CPLX2: variants seen among roughly 807,000 people sequenced by gnomAD.
The protein encoded by CPLX2 is complexin-2.
In CPLX2, 5 loss-of-function variants were observed where a neutral mutation model predicts 16.3. The ratio of observed to expected loss-of-function variants is 0.31; its 90% confidence interval spans 0.16 to 0.64. CPLX2 has a LOEUF of 0.64. Among genes scored for constraint, CPLX2 ranks in the 30% least tolerant of loss-of-function variants. The probability of loss-of-function intolerance (pLI) is 0.79; values close to 1 mark genes in which losing one functional copy is unlikely to be tolerated. For synonymous variants in CPLX2, 89 were observed against 73.2 expected (o/e 1.22, Z -1.10); for missense variants, 144 against 181.4 (o/e 0.79, Z 1.18).
At chr5:175,816,315 G>A (rs1466688412) in intron 2 of CPLX2, among the ~76,000 whole-genome samples, 2 of 152,134 alleles carry the variant, frequency 1.3e-5, no homozygotes, top group African/African-American at 2.4e-5. Context: ...TTACAGGCCC[G>A]CATCACCATG....
At chr5:175,860,437 A>G (rs13362566) in intron 2 of CPLX2, among the ~76,000 whole-genome samples, 3,205 of 130,320 alleles carry the variant, frequency 0.025, 133 homozygotes, top group African/African-American at 0.096. Context: ...AGGAAGGAAG[A>G]AAGAGAAAGA....
At position 175,879,994 on chromosome 5, in the gene CPLX2, C is replaced by T; in HGVS notation, c.354C>T (p.Asp118=). Reference sequence around the variant, plus strand: ...AGGAGGAAGAGGAGAGCATCCTGGACACGGTGCTCAAATACCTGCCCGGGC... The same window carrying T: ...AGGAGGAAGAGGAGAGCATCCTGGATACGGTGCTCAAATACCTGCCCGGGC... ...EEEEEEESIL[D]TVLKYLPGPL... Residue 118 remains aspartate, a synonymous_variant, in exon 4 of 4, where the codon GAC becomes GAT. Transcript: ENST00000393745. 2 of 1,613,986 alleles carry T rather than the reference C, an allele frequency of 1.2e-6. No individual in the cohort carries two copies. The highest frequency in any genetic ancestry group is 1.1e-5 in the South Asian group (1 of 90,986).
intron 3 of CPLX2, 25 bp downstream of exon 3, chr5:175,879,108 C>T: frequency 6.5e-7 from 1 of 1,547,938 alleles, no homozygotes; most frequent in Non-Finnish European, 8.7e-7. Flanking sequence ...CCCGCCCGTC[C>T]TGGGGAGGGC....
chr5:175,796,964 G>T (rs975449242), intron 1 of CPLX2, among the ~76,000 whole-genome samples: 4 of 152,202 alleles, frequency 2.6e-5, no homozygotes, highest in African/African-American at 9.6e-5. Flanking sequence ...GAGGCAGAGG[G>T]CGCCTCGGGC....
intron 2 of CPLX2, among the ~76,000 whole-genome samples, chr5:175,860,558 AAG>A (rs1430841459): frequency 1.5e-5 from 2 of 130,554 alleles, no homozygotes; most frequent in African/African-American, 5.9e-5. Context: ...GAAAGAAAGA[AAG>A]AAAAAGAAGG....
chr5:175,799,302 A>G (rs1288817569), intron 1 of CPLX2, among the ~76,000 whole-genome samples: 1 of 151,972 alleles, frequency 6.6e-6, no homozygotes, highest in Non-Finnish European at 1.5e-5. Context: ...CAATAGCCAC[A>G]TTTTACAAAT....
chr5:175,833,155 T>TAAAAAAAAAAAA (rs1758761925), intron 2 of CPLX2, among the ~76,000 whole-genome samples: 1 of 115,094 alleles, frequency 8.7e-6, no homozygotes, highest in Non-Finnish European at 1.7e-5. Context: ...AAACTCCATC[T>TAAAAAAAAAAAA]CAAAAAAAAA....
chr5:175,880,296 GC>G lies in CPLX2; in HGVS notation c.*255del. On this transcript the variant is annotated 3_prime_UTR_variant, in exon 4 of 4. Coordinates refer to ENST00000393745, the MANE Select transcript of CPLX2 (RefSeq NM_001008220.2). ...TCTTTCCCCAGCAGGGGTCAGGGGG[GC>G]CCCTCAGGAAGCCTAAGGTCGTGCT... 1.8e-6 allele frequency: 1 copy of G among 561,946 alleles called. No homozygotes were observed. The highest frequency in any genetic ancestry group is 1.9e-5 in the South Asian group (1 of 53,392). 34.8% of individuals were successfully genotyped at this position (561,946 alleles called of 1,614,324 possible). A position where few individuals can be genotyped will look rare whatever the true frequency, so the allele number is the denominator to read the frequency against.
chr5:175,808,112 G>A (rs375569922), intron 1 of CPLX2, among the ~76,000 whole-genome samples: 14 of 152,178 alleles, frequency 9.2e-5, no homozygotes, highest in African/African-American at 2.2e-4. Flanking sequence ...TTGGTGCCCC[G>A]CCCAGTGGGG....
intron 2 of CPLX2, among the ~76,000 whole-genome samples, chr5:175,826,109 G>A (rs940402364): frequency 2.0e-5 from 3 of 152,022 alleles, no homozygotes; most frequent in Non-Finnish European, 4.4e-5. Context: ...GCGGCACCAC[G>A]AGGTTAGAGG....
intron 2 of CPLX2, among the ~76,000 whole-genome samples, chr5:175,825,248 G>T (rs970109392): frequency 6.6e-6 from 1 of 152,044 alleles, no homozygotes; most frequent in African/African-American, 2.4e-5. Flanking sequence ...ACAAAAATTA[G>T]CTGGGGATGG....
rs1560033 is a variant in CPLX2 at position 175,859,268 on chromosome 5, C to G, written c.-88-19384C>G. ...AGGCCTTGAAATTATGCAGTCCAAA[C>G]ACACTCTGAAAGTCACCTTGGGAAG... On this transcript the variant is annotated intron_variant, in intron 2 of 4. Transcript: ENST00000359546. Among the ~76,000 whole-genome samples, 49 of 152,236 alleles carry G rather than the reference C, an allele frequency of 3.2e-4. 1 individual carries two copies. The highest frequency in any genetic ancestry group is 2.6e-3 in the Admixed American group (40 of 15,292).
intron 2 of CPLX2, among the ~76,000 whole-genome samples, chr5:175,821,345 C>T (rs538678668): frequency 9.2e-5 from 14 of 152,244 alleles, no homozygotes; most frequent in South Asian, 6.2e-4. Flanking sequence ...TGCCCCATCT[C>T]GCTTTTCCCC....
In CPLX2 at chr5:175,881,006, T is replaced by A. The variant is rs1755579668; in HGVS notation, c.*961T>A. The A allele has an allele frequency of 6.5e-6, 1 of 152,774 alleles. No homozygotes were observed. Among genetic ancestry groups the A allele is most frequent in the Non-Finnish European group, 1.5e-5 (1 of 68,088 alleles). The allele number at this position is 152,774 out of a possible 1,614,324, so 9.5% of individuals were successfully genotyped here. A position where few individuals can be genotyped will look rare whatever the true frequency, so the allele number is the denominator to read the frequency against. On this transcript the variant is annotated 3_prime_UTR_variant, in exon 4 of 4. Transcript: ENST00000393745. ...CTTCCTGGCCAAAGCCCCAAGCCTT[T>A]GGTGAGAAGCCAATTCCCACTTGAC...
chr5:175,853,383 C>T (rs998788249), intron 2 of CPLX2, among the ~76,000 whole-genome samples: 5 of 152,174 alleles, frequency 3.3e-5, no homozygotes, highest in Non-Finnish European at 5.9e-5. Context: ...CTGGCCCCAG[C>T]GCCCCTCCTC....
At chr5:175,800,685 C>T (rs1758076072) in intron 1 of CPLX2, among the ~76,000 whole-genome samples, 1 of 152,166 alleles carries the variant, frequency 6.6e-6, no homozygotes, top group African/African-American at 2.4e-5. Context: ...TGAGCATCTC[C>T]TCTTCCTTCA....
At chr5:175,860,784 C>T (rs1382321937) in intron 2 of CPLX2, among the ~76,000 whole-genome samples, 1 of 152,146 alleles carries the variant, frequency 6.6e-6, no homozygotes, top group East Asian at 1.9e-4. Context: ...ATCTAATGCC[C>T]ACCCATGGCA....
In CPLX2 at chr5:175,800,029, G is replaced by T. The variant is rs572298017; in HGVS notation, c.-169+3245G>T. On this transcript the variant is annotated intron_variant, in intron 1 of 4. Coordinates refer to the CPLX2 transcript ENST00000359546. ...ATATGAGGCCTTCCTTTTCCGATTT[G>T]CCCTGAATTTGGCTGCACACCTAGC... Among the ~76,000 whole-genome samples the T allele has an allele frequency of 3.9e-5, 6 of 152,216 alleles. No homozygotes were observed. The East Asian group carries it at 9.7e-4, about 24-fold the overall frequency.
Position 175,878,981 on chromosome 5 carries a change from G to T in CPLX2, c.105G>T (p.Glu35Asp). 1 of 1,604,816 alleles carries T rather than the reference G, an allele frequency of 6.2e-7. No homozygotes were observed. The highest frequency in any genetic ancestry group is 8.5e-7 in the Non-Finnish European group (1 of 1,175,894). The change falls in exon 3 of 4, where the codon GAG becomes GAT. Residue 35 changes from glutamate to aspartate, a missense_variant. Physicochemically the swap from Glu to Asp is conservative, Grantham distance 45 (BLOSUM62 2). Coordinates refer to ENST00000393745, the MANE Select transcript of CPLX2 (RefSeq NM_001008220.2). ...ACCCCGACGCGCAGAAAAAGGAGGA[G>T]GAGCGGCAGGAGGCGCTGCGGCAGC... ...EKDPDAQKKE[E>D]ERQEALRQQE...
Sources: gnomAD v4.1 joint callset for allele counts (sites outside exome capture counted in the v4.1 genomes callset) on GRCh38, gnomAD v4.1.1 for gene constraint, MANE v1.5 for transcripts, NCBI Gene and HGNC (gene_info 2026-07-23, HGNC 2026-07-21) for gene names.